The following STARD9 variants were observed in gnomAD, a reference collection of about 807,000 sequenced individuals.
The protein encoded by STARD9 is StAR related lipid transfer domain containing 9, also known as stAR-related lipid transfer protein 9.
Under a neutral mutation model 399.8 loss-of-function variants are expected in STARD9, and 346 were observed. The observed-to-expected ratio is 0.87, with a 90% CI of 0.79 to 0.95. STARD9 has a LOEUF of 0.95. STARD9 is among the 40% of genes least tolerant of loss of function. STARD9 has a pLI of 0.00. For synonymous variants in STARD9, 2,203 were observed against 2,143.5 expected, an observed-to-expected ratio of 1.03 and a Z score of -0.77; for missense variants, 5,832 against 5,667.5, an observed-to-expected ratio of 1.03 and a Z score of -0.93.
chr15:42,581,989 A>T (rs2058182693), intron 1 of STARD9, among the ~76,000 whole-genome samples: 1 of 152,172 alleles, frequency 6.6e-6, no homozygotes, highest in African/African-American at 2.4e-5. Context: ...CAACAAAAAA[A>T]TTAGCTGGGC....
intron 22 of STARD9, among the ~76,000 whole-genome samples, chr15:42,683,748 T>C (rs1434832094): frequency 6.6e-6 from 1 of 152,240 alleles, no homozygotes; most frequent in Non-Finnish European, 1.5e-5. Flanking sequence ...TTTTTATTTC[T>C]TTTTATTGAT....
At chr15:42,607,087 A>G (rs1244468568) in intron 3 of STARD9, among the ~76,000 whole-genome samples, 1 of 151,014 alleles carries the variant, frequency 6.6e-6, no homozygotes, top group African/African-American at 2.4e-5. Context: ...AGCTGGGACT[A>G]CAGGCATGTG....
intron 3 of STARD9, among the ~76,000 whole-genome samples, chr15:42,587,717 C>T (rs150780835): frequency 2.0e-5 from 3 of 152,312 alleles, no homozygotes; most frequent in African/African-American, 7.2e-5. Context: ...AGGCATGTGC[C>T]ACCACGCCTG....
chr15:42,610,738 G>C (rs903986520), intron 3 of STARD9, among the ~76,000 whole-genome samples: 1 of 152,052 alleles, frequency 6.6e-6, no homozygotes, highest in Non-Finnish European at 1.5e-5. Context: ...GTAGAGACGG[G>C]GTTTCGCCAT....
At chr15:42,653,094 AT>A in intron 9 of STARD9, among the ~76,000 whole-genome samples, 1 of 152,352 alleles carries the variant, frequency 6.6e-6, no homozygotes, top group South Asian at 2.1e-4. Flanking sequence ...GGGTAGAAGC[AT>A]TTTATAAAGA....
chr15:42,626,366 T>C (rs974904581), intron 3 of STARD9, among the ~76,000 whole-genome samples: 37 of 144,114 alleles, frequency 2.6e-4, no homozygotes, highest in African/African-American at 8.3e-4. Flanking sequence ...CCTCTTCCTC[T>C]TCTTCCTCCT....
chr15:42,610,096 GAAATA>G (rs943328709), intron 3 of STARD9, among the ~76,000 whole-genome samples: 6 of 151,958 alleles, frequency 3.9e-5, no homozygotes, highest in African/African-American at 9.7e-5. Context: ...CTATCTCCAA[GAAATA>G]AAATAAAAAA....
At chr15:42,666,414 G>A (rs1264610788) in intron 15 of STARD9, among the ~76,000 whole-genome samples, 1 of 152,164 alleles carries the variant, frequency 6.6e-6, no homozygotes, top group African/African-American at 2.4e-5. Context: ...TAGGGAGAAG[G>A]GGTAAGGCAT....
rs201349756 is a variant in STARD9 at position 42,686,226 on chromosome 15, C to T, written c.4648C>T (p.His1550Tyr). 6.5e-6 allele frequency: 10 copies of T among 1,537,572 alleles called. No homozygotes were observed. The highest frequency in any genetic ancestry group is 1.7e-4 in the Middle Eastern group (1 of 6,014). The change falls in exon 23 of 33, where the codon CAT (histidine) becomes TAT (tyrosine). Residue 1550 changes from histidine to tyrosine, a missense_variant. Physicochemically the swap from His to Tyr is moderately conservative, Grantham distance 83 (BLOSUM62 2). Coordinates refer to ENST00000290607, the MANE Select transcript of STARD9 (RefSeq NM_020759.3). ...TCTGAATCTCAACAACTTTCCAGTC[C>T]ATCTGTCCAGAATCAGGCGTTTGAG... ...SNLNLNNFPV[H>Y]LSRIRRLRAE...
rs1163134179 is a variant in STARD9, at chr15:42,661,215, C to T, written c.760C>T (p.Leu254=). The change falls in exon 10 of 33, where the codon CTA becomes TTA. Residue 254 remains leucine, a synonymous_variant. Coordinates refer to ENST00000290607, the MANE Select transcript of STARD9 (RefSeq NM_020759.3). ...GGCTAGCAAGATCAACCTTGTGGAC[C>T]TAGCAGGCAGGTAATTAGGATTTTA... ...EMASKINLVD[L]AGSERADPSY... The T allele has an allele frequency of 6.5e-7, 1 of 1,536,202 alleles. No homozygotes were observed. Among genetic ancestry groups the T allele is most frequent in the Non-Finnish European group, 8.7e-7 (1 of 1,146,018 alleles).
intron 3 of STARD9, among the ~76,000 whole-genome samples, chr15:42,632,818 G>C (rs1365249681): frequency 6.6e-6 from 1 of 152,104 alleles, no homozygotes; most frequent in Non-Finnish European, 1.5e-5. Flanking sequence ...CTTCAGCCTA[G>C]CTGACAGGAT....
chr15:42,685,067 A>T lies in STARD9; in HGVS notation c.3489A>T (p.Leu1163=). ...GGTACCAAAGCCCCAAAAACAGGCT[A>T]GGGGGCAATCGTCCCACCAACAACC... ...EKRYQSPKNR[L]GGNRPTNNRG... The change falls in exon 23 of 33, where the codon CTA becomes CTT. Residue 1163 remains leucine, a synonymous_variant. Transcript: ENST00000290607. The T allele has an allele frequency of 6.5e-7, 1 of 1,537,208 alleles. No homozygotes were observed. The highest frequency in any genetic ancestry group is 1.4e-5 in the African/African-American group (1 of 73,146).
At chr15:42,589,503 C>G (rs978166864) in intron 3 of STARD9, among the ~76,000 whole-genome samples, 17 of 152,172 alleles carry the variant, frequency 1.1e-4, no homozygotes, top group Non-Finnish European at 2.2e-4. Context: ...GTTTTCTGTC[C>G]CTACAGTTTT....
chr15:42,717,705 T>C, intron 28 of STARD9, 26 bp from the exon 29 acceptor site: 1 of 1,535,756 alleles, frequency 6.5e-7, no homozygotes, highest in Non-Finnish European at 8.7e-7. Context: ...TGCCTCCTAA[T>C]TTGGGTGTGG....
chr15:42,596,160 T>G (rs1178582681), intron 3 of STARD9, among the ~76,000 whole-genome samples: 2 of 152,148 alleles, frequency 1.3e-5, no homozygotes, highest in Non-Finnish European at 2.9e-5. Flanking sequence ...GCCCTTGAGA[T>G]CCAGGCTGGA....
intron 15 of STARD9, among the ~76,000 whole-genome samples, chr15:42,667,601 C>T (rs955653239): frequency 6.6e-6 from 1 of 152,080 alleles, no homozygotes; most frequent in Non-Finnish European, 1.5e-5. Flanking sequence ...CCAGCCTCAG[C>T]CTCCCAAGTT....
In STARD9 at chr15:42,687,790, A is replaced by G; in HGVS notation, c.6212A>G (p.Gln2071Arg). The G allele has an allele frequency of 6.5e-7, 1 of 1,537,512 alleles. No individual in the cohort carries two copies. Among genetic ancestry groups the G allele is most frequent in the Non-Finnish European group, 8.7e-7 (1 of 1,146,990 alleles). The change falls in exon 23 of 33, where the codon CAG (glutamine) becomes CGG (arginine). Residue 2071 changes from glutamine to arginine, a missense_variant. Transcript: ENST00000290607. ...GAAATTGAATCTAAGCAGAATAAGC[A>G]GGTTCATGCTTCCCACACACCAGGA... ...ILEIESKQNKQVHASHTPGTD... is the reference protein window; with the variant it reads ...ILEIESKQNKRVHASHTPGTD...
intron 7 of STARD9, among the ~76,000 whole-genome samples, chr15:42,644,759 G>A (rs1460238293): frequency 1.3e-5 from 2 of 152,138 alleles, no homozygotes; most frequent in African/African-American, 2.4e-5. Context: ...CTGTTTGATA[G>A]CATTTTACTC....
intron 3 of STARD9, among the ~76,000 whole-genome samples, chr15:42,597,286 G>A (rs1057341669): frequency 1.3e-4 from 20 of 152,074 alleles, no homozygotes; most frequent in Non-Finnish European, 2.8e-4. Context: ...AGCTGGTCTT[G>A]AACTCCTGGG....
Sources: allele counts gnomAD v4.1 joint callset (sites outside exome capture counted in the v4.1 genomes callset), GRCh38; gene constraint gnomAD v4.1.1; transcripts MANE v1.5; gene names NCBI Gene and HGNC (gene_info 2026-07-23, HGNC 2026-07-21).